EFNA5: variants seen among roughly 807,000 people sequenced by gnomAD.
The protein encoded by EFNA5 is ephrin A5.
In EFNA5, 5 loss-of-function variants were observed where a neutral mutation model predicts 22.9. The observed-to-expected ratio is 0.22, with a 90% CI of 0.11 to 0.46. The LOEUF (loss-of-function observed/expected upper bound fraction) is 0.46, where lower values mean the gene tolerates loss of function less well. Ranked by LOEUF, EFNA5 falls within the 20% of genes least tolerant of loss-of-function variation. The pLI, the probability that EFNA5 is intolerant of heterozygous loss-of-function variation, is 0.99. For missense variants in EFNA5, 237 were observed against 293.3 expected, an observed-to-expected ratio of 0.81 and a Z score of 1.40; for synonymous variants, 113 against 112.2, an observed-to-expected ratio of 1.01 and a Z score of -0.04.
At chr5:107,670,329 G>C in intron 1 of EFNA5, among the ~76,000 whole-genome samples, 160 bp downstream of exon 1, 1 of 152,246 alleles carries the variant, frequency 6.6e-6, no homozygotes, top group South Asian at 2.1e-4. Context: ...GGCGCGACGC[G>C]AGCGCTTCCC....
intron 1 of EFNA5, among the ~76,000 whole-genome samples, chr5:107,648,554 T>A (rs777642237): frequency 6.6e-6 from 1 of 152,152 alleles, no homozygotes; most frequent in East Asian, 1.9e-4. Flanking sequence ...AGCACTTAGA[T>A]TTTTTAAAAC....
chr5:107,478,137 G>A (rs1750360961), intron 1 of EFNA5, among the ~76,000 whole-genome samples: 2 of 152,148 alleles, frequency 1.3e-5, no homozygotes, highest in African/African-American at 2.4e-5. Context: ...TTACTCAGCT[G>A]TTTGTGTTAC....
At chr5:107,669,453 C>G (rs1423710105) in intron 1 of EFNA5, among the ~76,000 whole-genome samples, 1 of 152,068 alleles carries the variant, frequency 6.6e-6, no homozygotes, top group Non-Finnish European at 1.5e-5. Flanking sequence ...GCGGGGCCGA[C>G]TTCTGTGCAC....
At chr5:107,539,508 A>C (rs1165362752) in intron 1 of EFNA5, among the ~76,000 whole-genome samples, 1 of 152,104 alleles carries the variant, frequency 6.6e-6, no homozygotes, top group Non-Finnish European at 1.5e-5. Context: ...GCCCAGGCTG[A>C]AGTGCAGTGG....
At chr5:107,548,600 T>C (rs978247748) in intron 1 of EFNA5, among the ~76,000 whole-genome samples, 2 of 152,182 alleles carry the variant, frequency 1.3e-5, no homozygotes, top group South Asian at 2.1e-4. Flanking sequence ...AACTGTCACA[T>C]AAATAACACA....
chr5:107,626,121 G>C (rs1262680174), intron 1 of EFNA5, among the ~76,000 whole-genome samples: 1 of 152,306 alleles, frequency 6.6e-6, no homozygotes, highest in Non-Finnish European at 1.5e-5. Context: ...GCTGCACCTA[G>C]GTACTGGAGT....
At chr5:107,537,405 CCTGA>C (rs2112457111) in intron 1 of EFNA5, among the ~76,000 whole-genome samples, 1 of 151,616 alleles carries the variant, frequency 6.6e-6, no homozygotes, top group Admixed American at 6.6e-5. Flanking sequence ...TTGAGACCAT[CCTGA>C]CTAATATAGT....
At chr5:107,495,670 C>G (rs1195316772) in intron 1 of EFNA5, among the ~76,000 whole-genome samples, 1 of 152,166 alleles carries the variant, frequency 6.6e-6, no homozygotes, top group Non-Finnish European at 1.5e-5. Context: ...GCCATGTTCT[C>G]AAGCAGTTTG....
chr5:107,497,105 G>A (rs371563215), intron 1 of EFNA5, among the ~76,000 whole-genome samples: 1 of 152,206 alleles, frequency 6.6e-6, no homozygotes, highest in African/African-American at 2.4e-5. Flanking sequence ...CTAGAAGCTG[G>A]TTAGTAAGTT....
At chr5:107,454,430 A>T (rs1282184772) in intron 1 of EFNA5, among the ~76,000 whole-genome samples, 1 of 152,172 alleles carries the variant, frequency 6.6e-6, no homozygotes, top group Non-Finnish European at 1.5e-5. Context: ...AATCAGCTGT[A>T]ATCATCATTT....
intron 1 of EFNA5, among the ~76,000 whole-genome samples, chr5:107,516,016 C>T (rs1351052446): frequency 6.6e-6 from 1 of 152,124 alleles, no homozygotes; most frequent in African/African-American, 2.4e-5. Flanking sequence ...AATTTTATTT[C>T]ATTTTTGAGA....
chr5:107,411,013 G>C (rs1485986428), intron 2 of EFNA5, among the ~76,000 whole-genome samples: 1 of 151,522 alleles, frequency 6.6e-6, no homozygotes, highest in African/African-American at 2.4e-5. Context: ...TTAAATTTGA[G>C]ATAAATCTTA....
At chr5:107,386,604 C>T (rs1354257758) in intron 4 of EFNA5, among the ~76,000 whole-genome samples, 1 of 152,136 alleles carries the variant, frequency 6.6e-6, no homozygotes, top group African/African-American at 2.4e-5. Context: ...TCAAGGATCA[C>T]ATTTGGCTCA....
chr5:107,530,953 T>G (rs1379993541), intron 1 of EFNA5, among the ~76,000 whole-genome samples: 1 of 152,256 alleles, frequency 6.6e-6, no homozygotes, highest in African/African-American at 2.4e-5. Context: ...TTGCCATATT[T>G]GTATACTTTA....
At chr5:107,582,142 A>T (rs1194589608) in intron 1 of EFNA5, among the ~76,000 whole-genome samples, 1 of 152,218 alleles carries the variant, frequency 6.6e-6, no homozygotes, top group Non-Finnish European at 1.5e-5. Context: ...ATAAATTGTT[A>T]GTAACTCTAA....
At chr5:107,527,434 A>C (rs140809507) in intron 1 of EFNA5, among the ~76,000 whole-genome samples, 3,537 of 151,898 alleles carry the variant, frequency 0.023, 57 homozygotes, top group Admixed American at 0.035. Flanking sequence ...CTACAGGCAT[A>C]TGCCACCATG....
chr5:107,527,181 G>A (rs1747711955), intron 1 of EFNA5, among the ~76,000 whole-genome samples: 1 of 152,096 alleles, frequency 6.6e-6, no homozygotes, highest in Non-Finnish European at 1.5e-5. Flanking sequence ...TTTGTTTCAT[G>A]TATGAAATTT....
At chr5:107,452,306 C>T (rs1470260397) in intron 1 of EFNA5, among the ~76,000 whole-genome samples, 1 of 151,868 alleles carries the variant, frequency 6.6e-6, no homozygotes, top group Non-Finnish European at 1.5e-5. Flanking sequence ...CAAACCTGTA[C>T]GTTCCGCACA....
intron 1 of EFNA5, among the ~76,000 whole-genome samples, chr5:107,444,715 C>G (rs569103096): frequency 8.5e-5 from 13 of 152,300 alleles, no homozygotes; most frequent in Admixed American, 3.9e-4. Flanking sequence ...AATGGCCCTC[C>G]TTTTCCAAAT....
Sources: gnomAD v4.1 joint callset for allele counts (sites outside exome capture counted in the v4.1 genomes callset) on GRCh38, gnomAD v4.1.1 for gene constraint, MANE v1.5 for transcripts, NCBI Gene and HGNC (gene_info 2026-07-23, HGNC 2026-07-21) for gene names.